Variants in MROH2A observed in about 807,000 individuals in gnomAD.
MROH2A encodes the protein maestro heat like repeat family member 2A.
A neutral mutation model predicts 200.4 loss-of-function variants in MROH2A; 174 were observed. That is an observed-to-expected ratio of 0.87 (90% confidence interval 0.77 to 0.98). The LOEUF (loss-of-function observed/expected upper bound fraction) is 0.98. Among genes scored for constraint, MROH2A ranks in the 50% least tolerant of loss-of-function variants. The pLI is 0.00. For missense variants in MROH2A, 2,045 were observed against 2,139.6 expected (o/e 0.96, Z 0.87); for synonymous variants, 829 against 840.4 (o/e 0.99, Z 0.23).
Position 233,825,077 on chromosome 2 carries a change from C to A in MROH2A, c.4113+1413C>A, listed in dbSNP as rs545624243. Among the ~76,000 whole-genome samples the A allele has an allele frequency of 8.5e-5, 13 of 152,224 alleles. No individual in the cohort carries two copies. The East Asian group carries it at 2.3e-3, about 27-fold the overall frequency. On this transcript the variant is annotated intron_variant, in intron 35 of 41. Transcript: ENST00000389758. ...ACTATATTCCTAGGTATTTTATTCT[C>A]TTTGTAGCAATTGTGAATGGGAGTT...
intron 3 of MROH2A, among the ~76,000 whole-genome samples, chr2:233,786,399 C>T (rs1163259707): frequency 2.0e-5 from 3 of 152,306 alleles, no homozygotes; most frequent in South Asian, 2.1e-4. Context: ...CCTGTGCATG[C>T]GCACAGTGGG....
At chr2:233,827,945 G>T (rs541910875) in intron 35 of MROH2A, among the ~76,000 whole-genome samples, 1 of 152,226 alleles carries the variant, frequency 6.6e-6, no homozygotes, top group East Asian at 1.9e-4. Context: ...CTCAGTATAT[G>T]TTTAAATGAA....
intron 35 of MROH2A, among the ~76,000 whole-genome samples, chr2:233,823,932 A>C (rs768856828): frequency 6.6e-6 from 1 of 152,168 alleles, no homozygotes; most frequent in Non-Finnish European, 1.5e-5. Context: ...CAGGGGACCC[A>C]GGGAGGGCAC....
chr2:233,819,464 G>A lies in MROH2A; in HGVS notation c.3352G>A (p.Asp1118Asn). 1 of 1,550,198 alleles carries A rather than the reference G, an allele frequency of 6.5e-7. No individual in the cohort carries two copies. The highest frequency in any genetic ancestry group is 8.7e-7 in the Non-Finnish European group (1 of 1,146,860). ...FLQMRAKELE[D>N]KVAEILSAIL... ...CCAGATGCGGGCCAAGGAGCTGGAG[G>A]ACAAGGTGGCAGAGCCGCGGCAGGG... The change falls in exon 30 of 42, where the codon GAC becomes AAC. Residue 1118 changes from aspartate (D) to asparagine (N), a missense_variant. Transcript: ENST00000389758.
intron 5 of MROH2A, 121 bp from the exon 6 acceptor site, chr2:233,792,675 G>A (rs889826370): frequency 7.6e-6 from 5 of 659,550 alleles, no homozygotes; most frequent in Admixed American, 4.6e-5. Flanking sequence ...CAGGACAGAG[G>A]GCTAAGCCAG....
rs1025872361 is a variant in MROH2A, at chr2:233,816,684, G to A, written c.2857-97G>A. The A allele has an allele frequency of 2.6e-5, 18 of 695,776 alleles. 1 individual carries two copies. Among genetic ancestry groups the A allele is most frequent in the East Asian group, 1.4e-4 (5 of 36,002 alleles). 43.1% of individuals were successfully genotyped at this position (695,776 alleles called of 1,614,324 possible). On this transcript the variant is annotated intron_variant, in intron 26 of 41. Coordinates refer to ENST00000389758, the MANE Select transcript of MROH2A (RefSeq NM_001394639.1). ...GAACCACAAGGAAGCATTGAAAGTCGATCTGAGTAGGAGGGTGAGGTGGGC... is the reference window on the plus strand; with the variant it reads ...GAACCACAAGGAAGCATTGAAAGTCAATCTGAGTAGGAGGGTGAGGTGGGC...
At position 233,828,946 on chromosome 2, in the gene MROH2A, C is replaced by T. The variant is rs888573834; in HGVS notation, c.4320C>T (p.Pro1440=). The T allele has an allele frequency of 1.5e-5, 23 of 1,550,380 alleles. No individual in the cohort carries two copies. The highest frequency in any genetic ancestry group is 1.2e-4 in the South Asian group (10 of 84,064). ...LEKCLGPLRE[P]VSNSVTAEGM... is the part of the protein sequence containing the mutation. ...AGTGCCTGGGCCCCCTGAGGGAGCC[C>T]GTGAGCAACAGCGTGACTGCCGAGG... Residue 1440 remains proline, a synonymous_variant, in exon 37 of 42, where the codon CCC becomes CCT. Transcript: ENST00000389758. The surrounding 1 kb of genome is among the most constrained non-coding windows in gnomAD (Gnocchi z 4.6).
intron 2 of MROH2A, 28 bp from the exon 3 acceptor site, chr2:233,779,643 T>C: frequency 6.5e-7 from 1 of 1,548,684 alleles, no homozygotes; most frequent in South Asian, 1.2e-5. Context: ...ATTTCCACAC[T>C]GCACCTGGGT....
At chr2:233,804,272 A>G in intron 17 of MROH2A, 80 bp downstream of exon 17, 1 of 1,518,946 alleles carries the variant, frequency 6.6e-7, no homozygotes, top group Admixed American at 2.0e-5. Context: ...TGACTTGAAT[A>G]ACGAGAGCTG....
At chr2:233,796,966 A>G (rs954078832) in intron 11 of MROH2A, among the ~76,000 whole-genome samples, 1 of 152,216 alleles carries the variant, frequency 6.6e-6, no homozygotes, top group Non-Finnish European at 1.5e-5. Flanking sequence ...CTTTTTACCT[A>G]TTCAATGAAT....
chr2:233,827,040 C>T (rs570828172), intron 35 of MROH2A, among the ~76,000 whole-genome samples: 1 of 152,276 alleles, frequency 6.6e-6, no homozygotes, highest in South Asian at 2.1e-4. Flanking sequence ...TCATGCCAGT[C>T]AGAATGGCCA....
chr2:233,832,115 A>G (rs1704800228), intron 39 of MROH2A, 62 bp from the exon 40 acceptor site: 1 of 1,363,834 alleles, frequency 7.3e-7, no homozygotes, highest in African/African-American at 1.4e-5. Flanking sequence ...ACGCTTGATG[A>G]ATGACAGCCC....
At chr2:233,792,380 T>A (rs1040898784) in intron 5 of MROH2A, among the ~76,000 whole-genome samples, 8 of 151,356 alleles carry the variant, frequency 5.3e-5, no homozygotes, top group Non-Finnish European at 1.0e-4. Context: ...TGGCGCGATC[T>A]CGGCTCACTG....
At chr2:233,809,100 G>A in intron 21 of MROH2A, 26 bp from the exon 22 acceptor site, 2 of 1,539,086 alleles carry the variant, frequency 1.3e-6, no homozygotes, top group Non-Finnish European at 1.8e-6. Context: ...TGCCCCCAGT[G>A]GTTCTTTTTC....
chr2:233,831,680 C>A, intron 39 of MROH2A, 140 bp downstream of exon 39: 1 of 949,598 alleles, frequency 1.1e-6, no homozygotes, highest in Non-Finnish European at 1.5e-6. Context: ...CGGCACTGTG[C>A]AGCAGAAATA....
rs1237973451 is a variant in MROH2A, at chr2:233,807,538, G to A, written c.2168G>A (p.Ser723Asn). 1 of 1,550,494 alleles carries A rather than the reference G, an allele frequency of 6.4e-7. No individual in the cohort carries two copies. Among genetic ancestry groups the A allele is most frequent in the South Asian group, 1.2e-5 (1 of 84,056 alleles). The change falls in exon 20 of 42, where the codon AGC (serine) becomes AAC (asparagine). Residue 723 changes from serine (S) to asparagine (N), a missense_variant. By Grantham distance (46) the Ser-to-Asn change is conservative. Around this residue, in one of 3 missense-constraint regions of MROH2A, gnomAD observed 1,201 missense variants for 1,311.3 expected, o/e 0.92. Coordinates refer to ENST00000389758, the MANE Select transcript of MROH2A (RefSeq NM_001394639.1). This position sits in a 1 kb window ranked among gnomAD's most constrained non-coding sequence, Gnocchi z 4.3. ...YKTDYSNDFD[S>N]EGVIMCFGLC... ...ACGGACTACAGCAATGACTTTGACA[G>A]CGAGGTGAGGGTGCCTGCAGCCTCC...
At position 233,779,729 on chromosome 2, in the gene MROH2A, G is replaced by A. The variant is rs1279324004; in HGVS notation, c.153G>A (p.Thr51=). The A allele has an allele frequency of 1.6e-5, 25 of 1,551,018 alleles. No homozygotes were observed. The highest frequency in any genetic ancestry group is 2.0e-5 in the Non-Finnish European group (23 of 1,147,120). The change falls in exon 3 of 42, where the codon ACG becomes ACA. Residue 51 remains threonine (T), a synonymous_variant. Transcript: ENST00000389758. ...LDIIDSESAK[T]DTTGAGLDMR... is the part of the protein sequence containing the mutation. ...TCATTGACAGCGAGTCAGCAAAGAC[G>A]GACACAACAGGGGCAGGCCTTGACA...
chr2:233,831,610 G>T, intron 39 of MROH2A, 70 bp downstream of exon 39: 1 of 1,487,516 alleles, frequency 6.7e-7, no homozygotes. Flanking sequence ...GGGGGGTCGA[G>T]ATTGCCACAG....
At position 233,827,299 on chromosome 2, in the gene MROH2A, T is replaced by C. The variant is rs183616368; in HGVS notation, c.4114-1331T>C. On this transcript the variant is annotated intron_variant, in intron 35 of 41. Transcript: ENST00000389758. Reference sequence around the variant, plus strand: ...ATGTTCATTGTAGCACTATTCACAATAACAAAGACATGGAATCAACCCAAA... The same window carrying C: ...ATGTTCATTGTAGCACTATTCACAACAACAAAGACATGGAATCAACCCAAA... Among the ~76,000 whole-genome samples, 3 of 152,158 alleles carry C rather than the reference T, an allele frequency of 2.0e-5. No individual in the cohort carries two copies. In the East Asian group the frequency reaches 5.8e-4, roughly 29 times the overall value.
Sources: gnomAD v4.1 joint callset for allele counts (sites outside exome capture counted in the v4.1 genomes callset) on GRCh38, gnomAD v4.1.1 for gene constraint, gnomAD v4.1.1 regional missense constraint, Gnocchi (gnomAD v3.1) non-coding constraint, MANE v1.5 for transcripts, NCBI Gene and HGNC (gene_info 2026-07-23, HGNC 2026-07-21) for gene names.